The following F5 variants were observed in gnomAD, a reference collection of about 807,000 sequenced individuals.
The protein encoded by F5 is coagulation factor V.
Under a neutral mutation model 216.4 loss-of-function variants are expected in F5, and 138 were observed. The ratio of observed to expected loss-of-function variants is 0.64; its 90% CI spans 0.56 to 0.73. The LOEUF (loss-of-function observed/expected upper bound fraction) is 0.73. Ranked by LOEUF, F5 falls within the 30% of genes least tolerant of loss-of-function variation. The probability of loss-of-function intolerance (pLI) is 0.00; values close to 1 mark genes in which losing one functional copy is unlikely to be tolerated. For synonymous variants in F5, 916 were observed against 930.7 expected (o/e 0.98, Z 0.29); for missense variants, 2,403 against 2,674.0 (o/e 0.90, Z 2.24).
At chr1:169,536,396 C>A (rs1042189443) in intron 14 of F5, 110 bp downstream of exon 14, 21 of 886,734 alleles carry the variant, frequency 2.4e-5, no homozygotes. Flanking sequence ...ATTCATTAAT[C>A]CTGGAAAACA....
Position 169,557,119 on chromosome 1 carries a change from T to C in F5, c.731-252A>G, listed in dbSNP as rs1660350753. ...AACAACAGAGCTTAGAGATGGTGGA[T>C]GTGAACTCAAAAACACAGGGATTGC... On this transcript the variant is annotated intron_variant, in intron 5 of 24. Coordinates refer to ENST00000367797, the MANE Select transcript of F5 (RefSeq NM_000130.5). 5.3e-5 allele frequency among the ~76,000 whole-genome samples: 8 copies of C among 151,906 alleles called. 3 individuals carry two copies.
At chr1:169,553,496 C>T (rs193160600) in intron 7 of F5, among the ~76,000 whole-genome samples, 65 of 152,312 alleles carry the variant, frequency 4.3e-4, no homozygotes, top group Admixed American at 1.4e-3. Context: ...ATCACGAGGT[C>T]AGGAGATCGA....
At chr1:169,515,806 A>C (rs1285896133) in intron 23 of F5, 180 bp from the exon 24 acceptor site, 6 of 619,958 alleles carry the variant, frequency 9.7e-6, no homozygotes, top group Non-Finnish European at 1.7e-5. Context: ...TATGTGTGTA[A>C]ATTTTTATTG....
In F5 at chr1:169,530,775, A is replaced by G. The variant is rs765302339; in HGVS notation, c.5208+11T>C. The G allele has an allele frequency of 1.2e-6, 2 of 1,612,164 alleles. No individual in the cohort carries two copies. The highest frequency in any genetic ancestry group is 1.7e-6 in the Non-Finnish European group (2 of 1,178,268). ...AGGGGAATGAGAAAAACTTTCAATG[A>G]AAGTACCTACTGGGTTCACAGCTGA... On this transcript the variant is annotated intron_variant, in intron 15 of 24. Transcript: ENST00000367797.
rs1345350943 is a variant in F5, at chr1:169,544,282, A to G, written c.1975+14T>C. 3 of 1,610,612 alleles carry G rather than the reference A, an allele frequency of 1.9e-6. No homozygotes were observed. The Admixed American group carries it at 5.0e-5, about 27-fold the overall frequency. On this transcript the variant is annotated intron_variant, in intron 12 of 24. Transcript: ENST00000367797. ...AAGCAAGCTTCCTCTGTGAGTGTCC[A>G]GACTCTTACTCACCAACATTATCCA...
At chr1:169,557,797 G>A (rs1660367123) in intron 5 of F5, among the ~76,000 whole-genome samples, 1 of 151,922 alleles carries the variant, frequency 6.6e-6, no homozygotes. Flanking sequence ...GCATCACTAG[G>A]AGGCTTTGGT....
At chr1:169,578,643 A>T (rs890778987) in intron 2 of F5, among the ~76,000 whole-genome samples, 4 of 152,276 alleles carry the variant, frequency 2.6e-5, no homozygotes, top group African/African-American at 9.6e-5. Flanking sequence ...TCTACCTACA[A>T]TTTAATTTAA....
At chr1:169,543,524 A>G (rs1476348629) in intron 12 of F5, among the ~76,000 whole-genome samples, 2 of 152,220 alleles carry the variant, frequency 1.3e-5, no homozygotes, top group East Asian at 1.9e-4. Flanking sequence ...GACTTTTAAT[A>G]TCATAAATAT....
intron 16 of F5, among the ~76,000 whole-genome samples, chr1:169,528,583 T>C (rs1187890112): frequency 6.6e-6 from 1 of 152,154 alleles, no homozygotes; most frequent in Non-Finnish European, 1.5e-5. Context: ...GAGTTTATCG[T>C]TGGTGTATCC....
At chr1:169,574,502 G>A (rs767094352) in intron 2 of F5, among the ~76,000 whole-genome samples, 5 of 152,140 alleles carry the variant, frequency 3.3e-5, no homozygotes, top group African/African-American at 4.8e-5. Flanking sequence ...TTGGCTTCTC[G>A]CCATTAGGCG....
rs558063776 is a variant in F5, at chr1:169,581,708, C to T, written c.250+723G>A. 2.3e-4 allele frequency among the ~76,000 whole-genome samples: 35 copies of T among 152,166 alleles called. No individual in the cohort carries two copies. In the South Asian group the frequency reaches 5.4e-3, roughly 23 times the overall value. On this transcript the variant is annotated intron_variant, in intron 2 of 24. Transcript: ENST00000367797. ...CCCTTGATGGTCTCTATCATCCCTG[C>T]GGAATATGGTATCATAGTTAAGATA... is the stretch of plus-strand genomic sequence containing the variant.
In F5 at chr1:169,542,926, C is replaced by A. The variant is rs1397679298; in HGVS notation, c.2164G>T (p.Ala722Ser). 1 of 1,614,126 alleles carries A rather than the reference C, an allele frequency of 6.2e-7. No homozygotes were observed. Among genetic ancestry groups the A allele is most frequent in the South Asian group, 1.1e-5 (1 of 91,080 alleles). Residue 722 changes from alanine (A) to serine (S), a missense_variant, in exon 13 of 25, where the codon GCT (alanine) becomes TCT (serine). Ala to Ser is a moderately conservative substitution (Grantham distance 99). Transcript: ENST00000367797. ...AGTCTGTTCTGGTAATCATAGTCAGCATCACTCTCTTCATCTTCAGGTTCT... is the reference window on the plus strand; with the variant it reads ...AGTCTGTTCTGGTAATCATAGTCAGAATCACTCTCTTCATCTTCAGGTTCT... ...RLEPEDEESD[A>S]DYDYQNRLAA...
chr1:169,569,305 A>G (rs1660674070), intron 3 of F5, among the ~76,000 whole-genome samples: 1 of 152,078 alleles, frequency 6.6e-6, no homozygotes, highest in Admixed American at 6.6e-5. Flanking sequence ...CTGGCAGAAA[A>G]CGTGTTTTAT....
intron 21 of F5, among the ~76,000 whole-genome samples, chr1:169,521,160 T>C (rs1659295128): frequency 6.6e-6 from 1 of 152,134 alleles, no homozygotes; most frequent in Non-Finnish European, 1.5e-5. Context: ...TTCTGTCCTT[T>C]AGTCAAACAC....
intron 2 of F5, among the ~76,000 whole-genome samples, chr1:169,579,784 C>A (rs1660949001): frequency 6.6e-6 from 1 of 152,204 alleles, no homozygotes; most frequent in African/African-American, 2.4e-5. Flanking sequence ...TGGATTGATA[C>A]AACAGTCCCA....
intron 2 of F5, among the ~76,000 whole-genome samples, chr1:169,578,733 G>A (rs928079889): frequency 6.6e-6 from 1 of 152,068 alleles, no homozygotes; most frequent in Non-Finnish European, 1.5e-5. Context: ...TGTGATATAG[G>A]ACAGGACATC....
At chr1:169,581,847 T>C (rs1438889716) in intron 2 of F5, among the ~76,000 whole-genome samples, 1 of 152,174 alleles carries the variant, frequency 6.6e-6, no homozygotes, top group Non-Finnish European at 1.5e-5. Context: ...AACAGAAGAA[T>C]AGACGGGAAA....
rs3035292 is a variant in F5, at chr1:169,577,560, A to AATATATATATAT, written c.250+4859_250+4870dup. On this transcript the variant is annotated intron_variant, in intron 2 of 24. Transcript: ENST00000367797. ...TGTACCACCATGTCTGGCTAATTTA[A>AATATATATATAT]ATATATATATATATATATATATATA... 5.1e-3 allele frequency among the ~76,000 whole-genome samples: 277 copies of AATATATATATAT among 54,386 alleles called. 7 individuals carry two copies. The highest frequency in any genetic ancestry group is 6.5e-3 in the Non-Finnish European group (171 of 26,302). 35.7% of individuals were successfully genotyped at this position (54,386 alleles called of 152,430 possible).
chr1:169,515,061 T>A (rs1240762519), intron 24 of F5, among the ~76,000 whole-genome samples: 1 of 152,198 alleles, frequency 6.6e-6, no homozygotes, highest in African/African-American at 2.4e-5. Context: ...TGACTATTGC[T>A]AACATTTAAA....
Sources: allele counts gnomAD v4.1 joint callset (sites outside exome capture counted in the v4.1 genomes callset), GRCh38; gene constraint gnomAD v4.1.1; transcripts MANE v1.5; gene names NCBI Gene and HGNC (gene_info 2026-07-23, HGNC 2026-07-21).